The following TNFRSF21 variants were observed in gnomAD, a reference collection of about 807,000 sequenced individuals.
TNFRSF21 encodes TNF receptor superfamily member 21, also known as tumor necrosis factor receptor superfamily member 21.
TNFRSF21 carries 19 observed loss-of-function variants against 45.6 expected under a neutral mutation model. That is an observed-to-expected ratio of 0.42 (90% CI 0.29 to 0.61). The LOEUF (loss-of-function observed/expected upper bound fraction) is 0.61. TNFRSF21 is among the 20% of genes least tolerant of loss of function. The probability of loss-of-function intolerance (pLI) is 0.23; values close to 1 mark genes in which losing one functional copy is unlikely to be tolerated. For missense variants in TNFRSF21, 737 were observed against 851.5 expected, an observed-to-expected ratio of 0.87 and a Z score of 1.67; for synonymous variants, 314 against 335.5, an observed-to-expected ratio of 0.94 and a Z score of 0.70.
chr6:47,277,219 C>T (rs752625181), intron 3 of TNFRSF21, among the ~76,000 whole-genome samples: 1 of 152,210 alleles, frequency 6.6e-6, no homozygotes, highest in Non-Finnish European at 1.5e-5. Flanking sequence ...TCTTGAACTA[C>T]TGACCTCAAA....
rs765680417 is a variant in TNFRSF21 at position 47,284,029 on chromosome 6, A to G, written c.1152T>C (p.Asp384=). Residue 384 remains aspartate, a synonymous_variant, in exon 3 of 6, where the codon GAT becomes GAC. Transcript: ENST00000296861. The part of the protein sequence containing the change: ...SRTLKKGPRQ[D]PSAIVEKAGL... ...CTGCCTTTTCCACAATGGCACTGGG[A>G]TCCTGCCGGGGCCCCTTTTTCAGAG... 1.9e-5 allele frequency: 30 copies of G among 1,614,042 alleles called. No individual in the cohort carries two copies. Among genetic ancestry groups the G allele is most frequent in the Middle Eastern group, 1.6e-4 (1 of 6,074 alleles).
At chr6:47,254,110 C>T (rs541801174) in intron 3 of TNFRSF21, among the ~76,000 whole-genome samples, 1 of 152,276 alleles carries the variant, frequency 6.6e-6, no homozygotes, top group East Asian at 1.9e-4. Context: ...CAGCATCACT[C>T]CTCTCGAGCT....
intron 5 of TNFRSF21, among the ~76,000 whole-genome samples, chr6:47,233,992 G>A (rs1450336340): frequency 6.6e-6 from 1 of 152,046 alleles, no homozygotes; most frequent in South Asian, 2.1e-4. Context: ...ACTAAAACCT[G>A]TAGTTTTCTT....
At chr6:47,275,426 T>TTCTC (rs1762483028) in intron 3 of TNFRSF21, among the ~76,000 whole-genome samples, 1 of 152,082 alleles carries the variant, frequency 6.6e-6, no homozygotes, top group South Asian at 2.1e-4. Context: ...ACACCGCATG[T>TTCTC]TCTCACTCAT....
In TNFRSF21 at chr6:47,286,030, G is replaced by T. The variant is rs1355269025; in HGVS notation, c.662C>A (p.Thr221Asn). ...GATGGCTGTGCCAGGGGAAGGTGAG[G>T]TGGAGCTGGAGAAGGACGGGAGTGT... The part of the protein sequence containing the change: ...CGTLPSFSSS[T>N]SPSPGTAIFP... Residue 221 changes from threonine (T) to asparagine (N), a missense_variant, in exon 2 of 6, where the codon ACC becomes AAC. Transcript: ENST00000296861. 6.2e-7 allele frequency: 1 copy of T among 1,614,218 alleles called. No individual in the cohort carries two copies. The highest frequency in any genetic ancestry group is 1.1e-5 in the South Asian group (1 of 91,088).
At chr6:47,290,775 G>C (rs544683537) in intron 1 of TNFRSF21, among the ~76,000 whole-genome samples, 1 of 152,312 alleles carries the variant, frequency 6.6e-6, no homozygotes, top group Admixed American at 6.5e-5. Context: ...GGCCCAGGCT[G>C]AACACTAGAA....
At chr6:47,246,464 G>C (rs1001433043) in intron 4 of TNFRSF21, among the ~76,000 whole-genome samples, 1 of 152,182 alleles carries the variant, frequency 6.6e-6, no homozygotes, top group Non-Finnish European at 1.5e-5. Flanking sequence ...AGGTCACATA[G>C]TGAGTGGCAA....
Position 47,253,268 on chromosome 6 carries a change from T to C in TNFRSF21, c.1497A>G (p.Glu499=), listed in dbSNP as rs1399095482. Residue 499 remains glutamate, a synonymous_variant, in exon 4 of 6, where the codon GAA becomes GAG. Coordinates refer to ENST00000296861, the MANE Select transcript of TNFRSF21 (RefSeq NM_014452.5). The part of the protein sequence containing the change: ...DVVEKIRGLM[E]DTTQLETDKL... ...AGGGCTCCATTACCTGGGTGGTGTC[T>C]TCCATCAGCCCACGAATCTTCTCCA... is the stretch of plus-strand genomic sequence containing the variant. The C allele has an allele frequency of 2.5e-6, 4 of 1,612,890 alleles. No homozygotes were observed. Among genetic ancestry groups the C allele is most frequent in the Non-Finnish European group, 2.5e-6 (3 of 1,179,350 alleles).
In TNFRSF21 at chr6:47,234,684, G is replaced by A. The variant is rs867466897; in HGVS notation, c.1724C>T (p.Ser575Phe). 6.2e-7 allele frequency: 1 copy of A among 1,609,418 alleles called. No homozygotes were observed. The change falls in exon 5 of 6, where the codon TCC (serine) becomes TTC (phenylalanine). Residue 575 changes from serine (S) to phenylalanine (F), a missense_variant. Physicochemically the swap from Ser to Phe is radical, Grantham distance 155. Transcript: ENST00000296861. ...GATGCCCGTACCTTTGGTAATAAAG[G>A]AACCGTTCCTGCTCAGCGCGGAGGA... ...SGSSALSRNG[S>F]FITKEKKDTV...
chr6:47,301,776 C>T (rs542248337), intron 1 of TNFRSF21, among the ~76,000 whole-genome samples: 1 of 152,304 alleles, frequency 6.6e-6, no homozygotes, highest in African/African-American at 2.4e-5. Context: ...CAAACAGATG[C>T]TAAATCCATG....
intron 3 of TNFRSF21, among the ~76,000 whole-genome samples, chr6:47,265,922 T>G (rs1762327476): frequency 6.6e-6 from 1 of 152,206 alleles, no homozygotes; most frequent in Non-Finnish European, 1.5e-5. Flanking sequence ...ATTTGTTCAT[T>G]TCCAAACACT....
At chr6:47,234,534 G>GGACTGGTCT in intron 5 of TNFRSF21, 136 bp downstream of exon 5, 1 of 735,760 alleles carries the variant, frequency 1.4e-6, no homozygotes, top group East Asian at 2.9e-5. Context: ...TTGAAGTTTT[G>GGACTGGTCT]GACTGGTCTT....
At chr6:47,306,243 C>G (rs551072529) in intron 1 of TNFRSF21, among the ~76,000 whole-genome samples, 83 of 152,374 alleles carry the variant, frequency 5.4e-4, no homozygotes, top group African/African-American at 1.9e-3. Context: ...AAGAATACTT[C>G]CTTCCAAAGG....
rs574675740 is a variant in TNFRSF21 at position 47,240,765 on chromosome 6, G to A, written c.1510-5867C>T. On this transcript the variant is annotated intron_variant, in intron 4 of 5. Transcript: ENST00000296861. ...ACTTACACTCCAGCTGGATGACTGCGCTAAGATAAATATGAGAGATTCTGT... is the reference window on the plus strand; with the variant it reads ...ACTTACACTCCAGCTGGATGACTGCACTAAGATAAATATGAGAGATTCTGT... Among the ~76,000 whole-genome samples the A allele has an allele frequency of 5.3e-5, 8 of 152,200 alleles. No homozygotes were observed. In the South Asian group the frequency reaches 1.0e-3, roughly 20 times the overall value.
At chr6:47,235,154 G>A (rs1037286257) in intron 4 of TNFRSF21, among the ~76,000 whole-genome samples, 2 of 152,132 alleles carry the variant, frequency 1.3e-5, no homozygotes, top group African/African-American at 4.8e-5. Context: ...CAGGGGAGTA[G>A]AAGGGAACAT....
Position 47,244,496 on chromosome 6 carries a change from G to A in TNFRSF21, c.1509+8760C>T, listed in dbSNP as rs753025578. On this transcript the variant is annotated intron_variant, in intron 4 of 5. Transcript: ENST00000296861. Reference sequence around the variant, plus strand: ...TTATTTTGTCTTTTGATTTGTATACGGTGTTTTCTGGCTTGTGTATTTATT... The same window carrying A: ...TTATTTTGTCTTTTGATTTGTATACAGTGTTTTCTGGCTTGTGTATTTATT... Among the ~76,000 whole-genome samples, 8 of 152,096 alleles carry A rather than the reference G, an allele frequency of 5.3e-5. No homozygotes were observed. In the East Asian group the frequency reaches 9.6e-4, roughly 18 times the overall value.
chr6:47,249,330 T>C (rs1764868269), intron 4 of TNFRSF21, among the ~76,000 whole-genome samples: 1 of 152,228 alleles, frequency 6.6e-6, no homozygotes, highest in South Asian at 2.1e-4. Flanking sequence ...TCTCGTTTGC[T>C]GGTTAGCAGG....
chr6:47,308,540 AG>A (rs1187691043), intron 1 of TNFRSF21, among the ~76,000 whole-genome samples: 13 of 152,222 alleles, frequency 8.5e-5, no homozygotes, highest in African/African-American at 3.1e-4. Context: ...GGGGAAGTTG[AG>A]GGTAAGTTTT....
chr6:47,298,302 A>AAAAAAAAC (rs1762818198), intron 1 of TNFRSF21, among the ~76,000 whole-genome samples: 1 of 151,054 alleles, frequency 6.6e-6, no homozygotes, highest in African/African-American at 2.4e-5. Flanking sequence ...AAAAAAAAAA[A>AAAAAAAAC]AAAAGGAATC....
Sources: gnomAD v4.1 joint callset for allele counts (sites outside exome capture counted in the v4.1 genomes callset) on GRCh38, gnomAD v4.1.1 for gene constraint, MANE v1.5 for transcripts, NCBI Gene and HGNC (gene_info 2026-07-23, HGNC 2026-07-21) for gene names.